The following TXLNB variants were observed in gnomAD, a reference collection of about 807,000 sequenced individuals.
TXLNB encodes the protein taxilin beta.
In TXLNB, 37 loss-of-function variants were observed where a neutral mutation model predicts 57.4. The ratio of observed to expected loss-of-function variants is 0.64; its 90% CI spans 0.50 to 0.85. The LOEUF (loss-of-function observed/expected upper bound fraction) is 0.85, where lower values mean the gene tolerates loss of function less well. Ranked by LOEUF, TXLNB falls within the 40% of genes least tolerant of loss-of-function variation. TXLNB has a pLI of 0.00. For missense variants in TXLNB, 848 were observed against 825.6 expected, an observed-to-expected ratio of 1.03 and a Z score of -0.33; for synonymous variants, 302 against 309.6, an observed-to-expected ratio of 0.98 and a Z score of 0.26.
At chr6:139,181,352 A>T in the TXLNB span, among the ~76,000 whole-genome samples, 3 of 152,234 alleles carry the variant, frequency 2.0e-5, no homozygotes, top group East Asian at 1.9e-4. Context: ...AACAATTCAC[A>T]TAGTTTAAAT....
chr6:139,260,458 A>G (rs1258719741), intron 5 of TXLNB, 21 bp from the exon 6 acceptor site: 3 of 1,609,416 alleles, frequency 1.9e-6, no homozygotes, highest in Non-Finnish European at 2.5e-6. Flanking sequence ...TAAAGTGTAC[A>G]TAGAAAGCTT....
chr6:139,277,212 C>A lies in TXLNB; in HGVS notation c.425-291G>T, dbSNP rs575942245. The A allele has an allele frequency of 3.9e-5, 11 of 285,186 alleles. No homozygotes were observed. In the East Asian group the frequency reaches 7.7e-4, roughly 20 times the overall value. 17.7% of individuals were successfully genotyped at this position (285,186 alleles called of 1,614,324 possible). A position where few individuals can be genotyped will look rare whatever the true frequency, so the allele number is the denominator to read the frequency against. On this transcript the variant is annotated intron_variant, in intron 2 of 9. Transcript: ENST00000358430. ...TCATCACAAGAATCCGTTCTTATTT[C>A]TCCTCCCTGTATTCTTCAGAATCAA... is the stretch of plus-strand genomic sequence containing the variant.
chr6:139,226,077 T>A, the TXLNB span, among the ~76,000 whole-genome samples: 1 of 151,934 alleles, frequency 6.6e-6, no homozygotes, highest in African/African-American at 2.4e-5. Context: ...GGCATGTGGA[T>A]CGCTGGAGCA....
At chr6:139,316,554 C>G in the TXLNB span, among the ~76,000 whole-genome samples, 1 of 152,194 alleles carries the variant, frequency 6.6e-6, no homozygotes, top group Admixed American at 6.5e-5. Flanking sequence ...ATCTTTCATA[C>G]TACAAGACCC....
chr6:139,224,620 C>G, the TXLNB span, among the ~76,000 whole-genome samples: 4 of 147,520 alleles, frequency 2.7e-5, no homozygotes, highest in African/African-American at 1.1e-4. Flanking sequence ...ACAATTTGTG[C>G]CAATAAATAT....
chr6:139,285,299 CACACA>C lies in TXLNB; in HGVS notation c.424+3172_424+3176del, dbSNP rs754439048. On this transcript the variant is annotated intron_variant, in intron 2 of 9. Coordinates refer to ENST00000358430, the MANE Select transcript of TXLNB (RefSeq NM_153235.4). ...ACACACACACACACACACACACACA[CACACA>C]CCCCAATTCTTATGTAAAAGTTTTA... is the stretch of plus-strand genomic sequence containing the variant. Among the ~76,000 whole-genome samples, 83 of 137,828 alleles carry C rather than the reference CACACA, an allele frequency of 6.0e-4. 10 individuals carry two copies. Among genetic ancestry groups the C allele is most frequent in the Admixed American group, 1.7e-3 (24 of 13,882 alleles). 90.4% of individuals were successfully genotyped at this position (137,828 alleles called of 152,430 possible).
At chr6:139,238,000 G>C (rs1175388197), downstream of TXLNB, among the ~76,000 whole-genome samples, 3 of 152,122 alleles carry the variant, frequency 2.0e-5, no homozygotes, top group East Asian at 5.8e-4. Flanking sequence ...GGTTTATTTT[G>C]CTAGTTAAGT....
chr6:139,219,617 C>A, the TXLNB span, among the ~76,000 whole-genome samples: 1 of 152,296 alleles, frequency 6.6e-6, no homozygotes, highest in South Asian at 2.1e-4. Flanking sequence ...AGCCACTGGG[C>A]TAAAATAAGC....
the TXLNB span, among the ~76,000 whole-genome samples, chr6:139,303,939 C>T: frequency 6.6e-6 from 1 of 150,376 alleles, no homozygotes; most frequent in Non-Finnish European, 1.5e-5. Context: ...CAGAAATGTG[C>T]AAGATAGCTT....
At chr6:139,185,556 C>T in the TXLNB span, among the ~76,000 whole-genome samples, 1 of 152,064 alleles carries the variant, frequency 6.6e-6, no homozygotes, top group African/African-American at 2.4e-5. Context: ...GAAAAATTAG[C>T]CGGACGTGGT....
the TXLNB span, among the ~76,000 whole-genome samples, chr6:139,182,113 C>T: frequency 6.6e-6 from 1 of 152,154 alleles, no homozygotes; most frequent in African/African-American, 2.4e-5. Context: ...ATCTCCTTGT[C>T]CTCTTCAATT....
chr6:139,277,037 C>T, intron 2 of TXLNB, 116 bp from the exon 3 acceptor site: 1 of 693,216 alleles, frequency 1.4e-6, no homozygotes, highest in Non-Finnish European at 2.3e-6. Flanking sequence ...AGCCATTCAT[C>T]TTATCAGATG....
At chr6:139,163,352 CTTTTT>C in the TXLNB span, among the ~76,000 whole-genome samples, 4 of 142,410 alleles carry the variant, frequency 2.8e-5, no homozygotes, top group African/African-American at 7.8e-5. Context: ...GTTCTCCATT[CTTTTT>C]TTTTTTTTTT....
At chr6:139,187,488 C>G in the TXLNB span, among the ~76,000 whole-genome samples, 1 of 152,046 alleles carries the variant, frequency 6.6e-6, no homozygotes, top group East Asian at 1.9e-4. Flanking sequence ...CTCATCTGCT[C>G]AAAGCATCCT....
Position 139,242,704 on chromosome 6 carries a change from A to G in TXLNB, c.1877T>C (p.Met626Thr), listed in dbSNP as rs1775969048. 1.2e-6 allele frequency: 2 copies of G among 1,610,736 alleles called. No homozygotes were observed. The highest frequency in any genetic ancestry group is 1.7e-6 in the Non-Finnish European group (2 of 1,178,980). ...TGCTGGAGCAGGCACATCTGCCTCC[A>G]TCTTCTGTAGGGAGGCCTCGGTGGG... ...QAPTEASLQK[M>T]EADVPAPACA... is the part of the protein sequence containing the mutation. The change falls in exon 10 of 10, where the codon ATG becomes ACG. Residue 626 changes from methionine (M) to threonine (T), a missense_variant. Met to Thr is a moderately conservative substitution (Grantham distance 81). Coordinates refer to ENST00000358430, the MANE Select transcript of TXLNB (RefSeq NM_153235.4).
intron 3 of TXLNB, among the ~76,000 whole-genome samples, chr6:139,274,180 C>T (rs1776837013): frequency 6.6e-6 from 1 of 152,158 alleles, no homozygotes; most frequent in Admixed American, 6.5e-5. Flanking sequence ...AATGTCCTTA[C>T]TTATTAATGA....
chr6:139,244,653 G>C lies in TXLNB; in HGVS notation c.1208C>G (p.Ala403Gly), dbSNP rs1433789332. The change falls in exon 9 of 10, where the codon GCC (alanine) becomes GGC (glycine). Residue 403 changes from alanine (A) to glycine (G), a missense_variant. By Grantham distance (60) the Ala-to-Gly change is moderately conservative. Coordinates refer to ENST00000358430, the MANE Select transcript of TXLNB (RefSeq NM_153235.4). The part of the protein sequence containing the change: ...KKMKKLEKDT[A>G]TWKARFENCN... Reference sequence around the variant, plus strand: ...GTTCTCAAATCGGGCTTTCCATGTGGCTGTGTCCTTTTCCAGCTTCTTCAT... The same window carrying C: ...GTTCTCAAATCGGGCTTTCCATGTGCCTGTGTCCTTTTCCAGCTTCTTCAT... The C allele has an allele frequency of 1.2e-6, 2 of 1,613,782 alleles. No homozygotes were observed. The highest frequency in any genetic ancestry group is 2.2e-5 in the East Asian group (1 of 44,874).
At chr6:139,293,599 T>C (rs899097348), upstream of TXLNB, among the ~76,000 whole-genome samples, 1 of 152,034 alleles carries the variant, frequency 6.6e-6, no homozygotes, top group African/African-American at 2.4e-5. Flanking sequence ...TCCAGAAATA[T>C]AAAATAGCAA....
chr6:139,277,736 A>G (rs1320821739), intron 2 of TXLNB, among the ~76,000 whole-genome samples: 1 of 152,012 alleles, frequency 6.6e-6, no homozygotes, highest in Non-Finnish European at 1.5e-5. Context: ...AAAAAAATTA[A>G]CCCTGTTAAA....
Sources: allele counts gnomAD v4.1 joint callset (sites outside exome capture counted in the v4.1 genomes callset), GRCh38; gene constraint gnomAD v4.1.1; transcripts MANE v1.5; gene names NCBI Gene and HGNC (gene_info 2026-07-23, HGNC 2026-07-21).